RIMS2: variants seen among roughly 807,000 people sequenced by gnomAD.
RIMS2 encodes the protein regulating synaptic membrane exocytosis 2, also known as regulating synaptic membrane exocytosis protein 2.
Under a neutral mutation model 174.4 loss-of-function variants are expected in RIMS2, and 59 were observed. The observed-to-expected ratio is 0.34, with a 90% CI of 0.27 to 0.42. The LOEUF is 0.42. Among genes scored for constraint, RIMS2 ranks in the 10% least tolerant of loss-of-function variants. The pLI, the probability that RIMS2 is intolerant of heterozygous loss-of-function variation, is 1.00. For missense variants in RIMS2, 1,620 were observed against 1,666.3 expected, an observed-to-expected ratio of 0.97 and a Z score of 0.48; for synonymous variants, 606 against 572.5, an observed-to-expected ratio of 1.06 and a Z score of -0.84.
intron 16 of RIMS2, among the ~76,000 whole-genome samples, chr8:103,983,776 ACCTAAATCTATG>A (rs1264138071): frequency 6.6e-6 from 1 of 152,200 alleles, no homozygotes; most frequent in African/African-American, 2.4e-5. Context: ...TAAATCTAAT[ACCTAAATCTATG>A]AAACTATTAC....
At chr8:104,020,368 T>C (rs1308918510) in intron 19 of RIMS2, among the ~76,000 whole-genome samples, 1 of 152,056 alleles carries the variant, frequency 6.6e-6, no homozygotes, top group South Asian at 2.1e-4. Context: ...GGTGTCTTTC[T>C]AGATATTAGA....
At chr8:103,735,350 C>T (rs185218029) in intron 2 of RIMS2, among the ~76,000 whole-genome samples, 36 of 152,190 alleles carry the variant, frequency 2.4e-4, no homozygotes, top group African/African-American at 7.5e-4. Context: ...AGACAAATGT[C>T]AATGAAAATA....
intron 19 of RIMS2, among the ~76,000 whole-genome samples, chr8:104,145,787 C>T (rs916902922): frequency 6.6e-5 from 10 of 151,686 alleles, no homozygotes; most frequent in Non-Finnish European, 8.8e-5. Context: ...CACTTGAACC[C>T]GGGAGGAGAG....
At chr8:103,887,558 T>C (rs932797811) in intron 4 of RIMS2, among the ~76,000 whole-genome samples, 1 of 151,600 alleles carries the variant, frequency 6.6e-6, no homozygotes, top group African/African-American at 2.4e-5. Context: ...TTTATTTTGG[T>C]GTATGACAAA....
chr8:103,596,793 A>C (rs2094494669), intron 1 of RIMS2, among the ~76,000 whole-genome samples: 1 of 152,046 alleles, frequency 6.6e-6, no homozygotes, highest in Admixed American at 6.6e-5. Context: ...TAATAAGAAA[A>C]AAGAATAAAA....
chr8:103,548,602 C>A (rs1846163455), intron 1 of RIMS2, among the ~76,000 whole-genome samples: 1 of 152,134 alleles, frequency 6.6e-6, no homozygotes. Flanking sequence ...ATCTTGAGAA[C>A]AGGAAGAAGA....
At chr8:103,567,413 A>G (rs971611538) in intron 1 of RIMS2, among the ~76,000 whole-genome samples, 3 of 152,216 alleles carry the variant, frequency 2.0e-5, no homozygotes, top group Admixed American at 2.0e-4. Context: ...AAATGGAATC[A>G]TACAGTATGT....
intron 1 of RIMS2, among the ~76,000 whole-genome samples, chr8:103,688,828 A>G (rs1026511822): frequency 1.5e-5 from 2 of 135,624 alleles, no homozygotes; most frequent in Admixed American, 1.6e-4. Context: ...TATCTTTTCT[A>G]TTTTTTAAAT....
At chr8:103,803,966 C>T (rs1490775186) in intron 3 of RIMS2, among the ~76,000 whole-genome samples, 1 of 152,118 alleles carries the variant, frequency 6.6e-6, no homozygotes, top group Admixed American at 6.5e-5. Context: ...CCTTCTCAGG[C>T]CCTGAGTCAG....
Position 103,824,807 on chromosome 8 carries a change from A to G in RIMS2, c.698+58270A>G, listed in dbSNP as rs77988669. ...AGCTGCTTACTTAAACTCAGGACTT[A>G]CGGTTACTCATATGGCTTTAAACTT... is the stretch of plus-strand genomic sequence containing the variant. On this transcript the variant is annotated intron_variant, in intron 3 of 23. Transcript: ENST00000504942. Among the ~76,000 whole-genome samples, 32 of 152,320 alleles carry G rather than the reference A, an allele frequency of 2.1e-4. No individual in the cohort carries two copies. The East Asian group carries it at 6.2e-3, about 29-fold the overall frequency.
intron 17 of RIMS2, among the ~76,000 whole-genome samples, chr8:104,005,044 A>T (rs2095523349): frequency 6.6e-6 from 1 of 152,200 alleles, no homozygotes; most frequent in African/African-American, 2.4e-5. Flanking sequence ...ATATACTGCC[A>T]GGAATTGGTG....
chr8:103,649,560 A>G (rs1007143353), intron 1 of RIMS2, among the ~76,000 whole-genome samples: 6 of 151,602 alleles, frequency 4.0e-5, no homozygotes, highest in Non-Finnish European at 8.8e-5. Flanking sequence ...CATTCTCCCC[A>G]TCTCTTTCAG....
At chr8:104,213,798 A>AC (rs5893683) in intron 19 of RIMS2, among the ~76,000 whole-genome samples, 61,507 of 150,898 alleles carry the variant, frequency 0.41, 13,092 homozygotes, top group East Asian at 0.61. Flanking sequence ...AATCGCTTGA[A>AC]CCCCAGAGGC....
At chr8:103,700,807 T>C (rs2097158449) in intron 2 of RIMS2, among the ~76,000 whole-genome samples, 1 of 152,064 alleles carries the variant, frequency 6.6e-6, no homozygotes, top group Admixed American at 6.6e-5. Context: ...TTTATCAAGT[T>C]ATTCAAGATT....
chr8:103,594,155 G>A (rs1005793547), intron 1 of RIMS2, among the ~76,000 whole-genome samples: 1 of 151,592 alleles, frequency 6.6e-6, no homozygotes, highest in African/African-American at 2.4e-5. Flanking sequence ...CCATGTGGAT[G>A]CTCCCAGCTG....
intron 19 of RIMS2, among the ~76,000 whole-genome samples, chr8:104,170,894 C>T (rs769859098): frequency 1.2e-4 from 19 of 152,028 alleles, no homozygotes; most frequent in Non-Finnish European, 2.8e-4. Flanking sequence ...AAGACTTTAT[C>T]GCTCCTTCAT....
At chr8:103,913,301 C>T (rs1401586452) in intron 6 of RIMS2, among the ~76,000 whole-genome samples, 2 of 151,786 alleles carry the variant, frequency 1.3e-5, no homozygotes, top group Non-Finnish European at 2.9e-5. Flanking sequence ...ATTAGTTGGA[C>T]ATAGCAGCAC....
chr8:103,663,815 C>G (rs938335155), intron 1 of RIMS2, among the ~76,000 whole-genome samples: 1 of 152,058 alleles, frequency 6.6e-6, no homozygotes, highest in Admixed American at 6.6e-5. Context: ...AAAAAGAGCC[C>G]GCATAGCCAA....
At chr8:103,649,802 C>A (rs754050866) in intron 1 of RIMS2, among the ~76,000 whole-genome samples, 1 of 152,066 alleles carries the variant, frequency 6.6e-6, no homozygotes, top group South Asian at 2.1e-4. Flanking sequence ...ACTGGCTATT[C>A]TGGCTATCAG....
Sources: gnomAD v4.1 joint callset for allele counts (sites outside exome capture counted in the v4.1 genomes callset) on GRCh38, gnomAD v4.1.1 for gene constraint, MANE v1.5 for transcripts, NCBI Gene and HGNC (gene_info 2026-07-23, HGNC 2026-07-21) for gene names.